The following NEK11 variants were observed in gnomAD, a reference collection of about 807,000 sequenced individuals.
The protein encoded by NEK11 is NIMA related kinase 11.
In NEK11, 72 loss-of-function variants were observed where a neutral mutation model predicts 80.7. The observed-to-expected ratio is 0.89, with a 90% confidence interval of 0.74 to 1.08. The LOEUF (loss-of-function observed/expected upper bound fraction) is 1.08. NEK11 is among the 50% of genes least tolerant of loss of function. NEK11 has a pLI of 0.00. For missense variants in NEK11, 764 were observed against 763.6 expected, an observed-to-expected ratio of 1.00 and a Z score of -0.01; for synonymous variants, 251 against 260.7, an observed-to-expected ratio of 0.96 and a Z score of 0.36.
chr3:131,145,691 C>T (rs1041531652), intron 7 of NEK11, among the ~76,000 whole-genome samples: 2 of 152,080 alleles, frequency 1.3e-5, no homozygotes, highest in Non-Finnish European at 2.9e-5. Context: ...GTGCAAGATC[C>T]AGAGGCAGGA....
intron 17 of NEK11, among the ~76,000 whole-genome samples, chr3:131,338,228 G>A (rs761191366): frequency 6.9e-6 from 1 of 145,690 alleles, no homozygotes; most frequent in South Asian, 2.2e-4. Context: ...GCCTCCCAAA[G>A]TGTTGGGATT....
chr3:131,281,397 T>C (rs1190455485), intron 17 of NEK11, among the ~76,000 whole-genome samples: 1 of 152,224 alleles, frequency 6.6e-6, no homozygotes, highest in African/African-American at 2.4e-5. Context: ...CTTTATTTAG[T>C]AATATATGCT....
chr3:131,185,104 A>G (rs537310197), intron 14 of NEK11, among the ~76,000 whole-genome samples: 1 of 152,188 alleles, frequency 6.6e-6, no homozygotes, highest in African/African-American at 2.4e-5. Context: ...CATGGAATTC[A>G]TGACAGCACT....
chr3:131,248,583 A>T (rs936334871), intron 16 of NEK11, among the ~76,000 whole-genome samples: 1 of 151,936 alleles, frequency 6.6e-6, no homozygotes, highest in African/African-American at 2.4e-5. Context: ...CATGGCCTGG[A>T]TTGCATGGTC....
chr3:131,114,982 A>C (rs2080785293), intron 5 of NEK11, among the ~76,000 whole-genome samples: 1 of 152,190 alleles, frequency 6.6e-6, no homozygotes. Flanking sequence ...GGTTGATTTT[A>C]TGTGTCAAGT....
intron 16 of NEK11, among the ~76,000 whole-genome samples, chr3:131,244,669 C>T (rs1403466006): frequency 6.6e-6 from 1 of 152,014 alleles, no homozygotes; most frequent in Non-Finnish European, 1.5e-5. Flanking sequence ...CACCTGTAAT[C>T]CCAACGTTTT....
chr3:131,168,686 A>G, intron 12 of NEK11, 144 bp from the exon 13 acceptor site: 1 of 574,350 alleles, frequency 1.7e-6, no homozygotes, highest in Non-Finnish European at 3.1e-6. Context: ...CCCTCTGCTA[A>G]TTCCTATGCT....
intron 17 of NEK11, among the ~76,000 whole-genome samples, chr3:131,276,668 A>G (rs557369439): frequency 6.6e-6 from 1 of 152,152 alleles, no homozygotes; most frequent in East Asian, 1.9e-4. Context: ...GTTTGAGAAT[A>G]GATTCCATGC....
At chr3:131,212,011 C>T (rs939611704) in intron 14 of NEK11, among the ~76,000 whole-genome samples, 4 of 152,150 alleles carry the variant, frequency 2.6e-5, no homozygotes, top group African/African-American at 7.2e-5. Context: ...CAGTTGCTGG[C>T]GAGGAGATGC....
intron 17 of NEK11, among the ~76,000 whole-genome samples, chr3:131,285,054 G>A (rs2096454309): frequency 1.3e-5 from 2 of 152,192 alleles, no homozygotes; most frequent in Admixed American, 1.3e-4. Flanking sequence ...CAAATCTTCT[G>A]TGAGTACACT....
intron 14 of NEK11, among the ~76,000 whole-genome samples, chr3:131,212,795 C>T (rs1257564081): frequency 6.6e-6 from 1 of 152,136 alleles, no homozygotes. Context: ...CCTGTTAGAT[C>T]CTGTGATAGT....
rs549905529 is a variant in NEK11, at chr3:131,180,767, G to A, written c.1399+9880G>A. 4.3e-4 allele frequency among the ~76,000 whole-genome samples: 65 copies of A among 152,144 alleles called. No individual in the cohort carries two copies. In the South Asian group the frequency reaches 4.6e-3, roughly 11 times the overall value. ...ACTGTCCATGAAATTATGATATGCC[G>A]TCTATTTTAAGATGCATCTCCATTT... On this transcript the variant is annotated intron_variant, in intron 14 of 17. Coordinates refer to ENST00000383366, the MANE Select transcript of NEK11 (RefSeq NM_024800.5).
chr3:131,037,286 C>T (rs987698494), intron 3 of NEK11, among the ~76,000 whole-genome samples: 2 of 112,480 alleles, frequency 1.8e-5, no homozygotes, highest in Admixed American at 1.9e-4. Flanking sequence ...AGAACTTCAT[C>T]CATTTTTTTT....
chr3:131,073,319 T>A (rs916204900), intron 3 of NEK11, among the ~76,000 whole-genome samples: 1 of 152,180 alleles, frequency 6.6e-6, no homozygotes, highest in Non-Finnish European at 1.5e-5. Context: ...CCTCTTCTGC[T>A]CCTTAAAACT....
intron 11 of NEK11, 48 bp from the exon 12 acceptor site, chr3:131,165,378 G>A (rs370208268): frequency 3.2e-5 from 37 of 1,173,494 alleles, no homozygotes; most frequent in Non-Finnish European, 4.4e-5. Context: ...TATAGACATG[G>A]TTTTAGCAAT....
chr3:131,212,476 T>C (rs2094665496), intron 14 of NEK11, among the ~76,000 whole-genome samples: 1 of 152,184 alleles, frequency 6.6e-6, no homozygotes, highest in African/African-American at 2.4e-5. Flanking sequence ...CTGTCCATTC[T>C]CAGATCTCAA....
intron 10 of NEK11, among the ~76,000 whole-genome samples, chr3:131,158,539 C>T (rs895891114): frequency 1.3e-5 from 2 of 152,174 alleles, no homozygotes; most frequent in Non-Finnish European, 2.9e-5. Flanking sequence ...ACAGCGGACC[C>T]TTCCCTGCCC....
chr3:131,106,274 A>T (rs1299380808), intron 4 of NEK11, among the ~76,000 whole-genome samples: 1 of 139,548 alleles, frequency 7.2e-6, no homozygotes. Context: ...TTTTATTTCT[A>T]TCCTGTTAGG....
chr3:131,067,732 G>A (rs2072303697), intron 3 of NEK11, among the ~76,000 whole-genome samples: 1 of 152,162 alleles, frequency 6.6e-6, no homozygotes, highest in African/African-American at 2.4e-5. Context: ...AAATGAGGCT[G>A]AGTATAAATA....
Sources: gnomAD v4.1 joint callset for allele counts (sites outside exome capture counted in the v4.1 genomes callset) on GRCh38, gnomAD v4.1.1 for gene constraint, MANE v1.5 for transcripts, NCBI Gene and HGNC (gene_info 2026-07-23, HGNC 2026-07-21) for gene names.